Variants in MAP7D2 observed in about 807,000 individuals in gnomAD.
The protein encoded by MAP7D2 is MAP7 domain containing 2.
Under a neutral mutation model 63.5 loss-of-function variants are expected in MAP7D2, and 33 were observed. That is an observed-to-expected ratio of 0.52 (90% confidence interval 0.39 to 0.70). The LOEUF (loss-of-function observed/expected upper bound fraction) is 0.70, where lower values mean the gene tolerates loss of function less well. Among genes scored for constraint, MAP7D2 ranks in the 30% least tolerant of loss-of-function variants. The pLI, the probability that MAP7D2 is intolerant of heterozygous loss-of-function variation, is 0.00. For synonymous variants in MAP7D2, 224 were observed against 223.7 expected, an observed-to-expected ratio of 1.00 and a Z score of -0.01; for missense variants, 626 against 604.0, an observed-to-expected ratio of 1.04 and a Z score of -0.38.
chrX:20,094,738 A>G (rs1189446406), intron 1 of MAP7D2, among the ~76,000 whole-genome samples: 3 of 101,318 alleles, frequency 3.0e-5, no homozygotes, highest in Non-Finnish European at 6.0e-5. Flanking sequence ...CACCACACCC[A>G]GCTAATTTTT....
In MAP7D2 at chrX:20,056,777, C is replaced by T. The variant is rs745974298; in HGVS notation, c.387G>A (p.Ala129=). Residue 129 remains alanine, a synonymous_variant, in exon 4 of 17, where the codon GCG becomes GCA. Transcript: ENST00000379643. ...TGCGCTCCAGGGACCGGCGCATCAT[C>T]GCCTCCAGCCGTTCCTACACAGTTC... The part of the protein sequence containing the change: ...KLREEEERLE[A]MMRRSLERTQ... 47 of 1,208,967 alleles carry T rather than the reference C, an allele frequency of 3.9e-5. No individual in the cohort carries two copies. Among genetic ancestry groups the T allele is most frequent in the Non-Finnish European group, 1.9e-5 (17 of 894,731 alleles).
At position 20,052,779 on chromosome X, in the gene MAP7D2, G is replaced by A. The variant is rs1276375165; in HGVS notation, c.595+99C>T. ...CAAGACTAGGACAATGACGGTATCT[G>A]CAGAAGGCTCAAGAGGAGACTCTCA... is the stretch of plus-strand genomic sequence containing the variant. On this transcript the variant is annotated intron_variant, in intron 5 of 16. Coordinates refer to ENST00000379643, the MANE Select transcript of MAP7D2 (RefSeq NM_001168465.2). The A allele has an allele frequency of 6.2e-6, 4 of 648,694 alleles. No homozygotes were observed. In the African/African-American group the frequency reaches 6.6e-5, roughly 11 times the overall value. 53.5% of individuals were successfully genotyped at this position (648,694 alleles called of 1,213,427 possible).
chrX:20,072,345 C>G (rs1053403740), intron 1 of MAP7D2, among the ~76,000 whole-genome samples: 1 of 110,991 alleles, frequency 9.0e-6, no homozygotes, highest in Admixed American at 9.7e-5. Flanking sequence ...TCGGGTCCTT[C>G]CCTCTCTCAT....
intron 3 of MAP7D2, among the ~76,000 whole-genome samples, chrX:20,060,061 C>T (rs1194871572): frequency 9.2e-6 from 1 of 109,098 alleles, no homozygotes; most frequent in African/African-American, 3.4e-5. Context: ...GCTTTGTCAC[C>T]TAGGCTGGAG....
chrX:20,116,667 G>T, intron 1 of MAP7D2, 83 bp downstream of exon 1: 1 of 1,060,282 alleles, frequency 9.4e-7, no homozygotes, highest in Non-Finnish European at 1.2e-6. Context: ...CCACGCTCGA[G>T]GACCTTTGCC....
chrX:20,014,742 G>A (rs988475949), intron 12 of MAP7D2, among the ~76,000 whole-genome samples: 1 of 111,368 alleles, frequency 9.0e-6, no homozygotes, highest in Non-Finnish European at 1.9e-5. Context: ...TTGGGACAGG[G>A]TCTCACTCCT....
chrX:20,097,724 C>T, intron 1 of MAP7D2, among the ~76,000 whole-genome samples: 1 of 111,251 alleles, frequency 9.0e-6, no homozygotes, highest in South Asian at 3.8e-4. Flanking sequence ...AAGAACGTGG[C>T]CAAAGATAGA....
chrX:20,087,624 G>C (rs1002159756), intron 1 of MAP7D2, among the ~76,000 whole-genome samples: 1 of 111,969 alleles, frequency 8.9e-6, no homozygotes, highest in South Asian at 3.7e-4. Flanking sequence ...ATTCATTTAA[G>C]GAAAGATTTT....
intron 1 of MAP7D2, among the ~76,000 whole-genome samples, chrX:20,104,866 T>A (rs2066528049): frequency 9.0e-6 from 1 of 111,720 alleles, no homozygotes; most frequent in East Asian, 2.8e-4. Flanking sequence ...CAACACCTGC[T>A]AAGAGGTGAT....
At position 20,016,281 on chromosome X, in the gene MAP7D2, A is replaced by G; in HGVS notation, c.1457T>C (p.Leu486Pro). 1.7e-6 allele frequency: 2 copies of G among 1,210,868 alleles called. No homozygotes were observed. The highest frequency in any genetic ancestry group is 2.2e-6 in the Non-Finnish European group (2 of 895,266). Reference protein sequence around the residue: ...ELKRKAEEERLRLEEEARKQE... With the variant: ...ELKRKAEEERPRLEEEARKQE... ...CTTTCGGGCTTCCTCTTCTAGGCGA[A>G]GCCTTTCCTCCTCTGCCTTTCTTTT... Residue 486 changes from leucine to proline, a missense_variant, in exon 11 of 17, where the codon CTT (leucine) becomes CCT (proline). Physicochemically the swap from Leu to Pro is moderately conservative, Grantham distance 98. Coordinates refer to ENST00000379643, the MANE Select transcript of MAP7D2 (RefSeq NM_001168465.2).
chrX:20,043,546 G>A (rs1389025320), intron 7 of MAP7D2, among the ~76,000 whole-genome samples: 3 of 111,800 alleles, frequency 2.7e-5, no homozygotes, highest in Non-Finnish European at 5.6e-5. Flanking sequence ...TGAATGAGCC[G>A]TCTCAGATGA....
At chrX:20,018,004 T>C (rs1238157434) in intron 10 of MAP7D2, among the ~76,000 whole-genome samples, 2 of 106,835 alleles carry the variant, frequency 1.9e-5, no homozygotes, top group Non-Finnish European at 3.9e-5. Flanking sequence ...TTCACTGTTG[T>C]TGCCCAGGTT....
chrX:20,063,836 T>G (rs1339119352), intron 2 of MAP7D2, among the ~76,000 whole-genome samples: 2 of 112,269 alleles, frequency 1.8e-5, no homozygotes, highest in Non-Finnish European at 1.9e-5. Context: ...ACAGTGTTGT[T>G]AAGATTGAAC....
intron 12 of MAP7D2, among the ~76,000 whole-genome samples, chrX:20,014,406 A>G (rs973656498): frequency 4.5e-5 from 5 of 111,333 alleles, no homozygotes; most frequent in South Asian, 3.9e-4. Flanking sequence ...CATCTCTACT[A>G]AAAATACAAA....
intron 11 of MAP7D2, among the ~76,000 whole-genome samples, chrX:20,015,804 C>T (rs999846361): frequency 4.4e-5 from 5 of 112,379 alleles, no homozygotes; most frequent in African/African-American, 1.3e-4. Flanking sequence ...AATGCACTTA[C>T]ATTGGCTTTT....
At chrX:20,104,377 T>G (rs910416560) in intron 1 of MAP7D2, among the ~76,000 whole-genome samples, 18 of 112,833 alleles carry the variant, frequency 1.6e-4, no homozygotes, top group Non-Finnish European at 3.2e-4. Context: ...CTCAGCTCAC[T>G]GCAACCTCTG....
chrX:20,024,833 G>C, intron 10 of MAP7D2, 118 bp downstream of exon 10: 1 of 788,578 alleles, frequency 1.3e-6, no homozygotes, highest in Non-Finnish European at 1.8e-6. Context: ...AGACATTCTA[G>C]GTTCCCATAC....
intron 1 of MAP7D2, among the ~76,000 whole-genome samples, chrX:20,094,545 TATATATATATATATATATATATAC>T (rs2066188557): frequency 2.3e-4 from 2 of 8,798 alleles, no homozygotes; most frequent in Non-Finnish European, 3.8e-4. Context: ...TATATATGTA[TATATATATATATATATATATATAC>T]ATATATATGT....
chrX:20,105,208 T>C (rs1055983423), intron 1 of MAP7D2, among the ~76,000 whole-genome samples: 2 of 110,688 alleles, frequency 1.8e-5, no homozygotes, highest in African/African-American at 6.6e-5. Flanking sequence ...ACAGTAGAAA[T>C]AAATACAGAA....
Sources: allele counts gnomAD v4.1 joint callset (sites outside exome capture counted in the v4.1 genomes callset), GRCh38; gene constraint gnomAD v4.1.1; transcripts MANE v1.5; gene names NCBI Gene and HGNC (gene_info 2026-07-23, HGNC 2026-07-21).